The following VWC2 variants were observed in gnomAD, a reference collection of about 807,000 sequenced individuals.
VWC2 encodes von Willebrand factor C domain containing 2, also known as brorin.
A neutral mutation model predicts 29.8 loss-of-function variants in VWC2; 14 were observed. That is an observed-to-expected ratio of 0.47 (90% CI 0.31 to 0.74). The LOEUF is 0.74. Ranked by LOEUF, VWC2 falls within the 30% of genes least tolerant of loss-of-function variation. VWC2 has a pLI of 0.05. For synonymous variants in VWC2, 213 were observed against 199.0 expected (o/e 1.07, Z -0.59); for missense variants, 457 against 459.8 (o/e 0.99, Z 0.05).
intron 2 of VWC2, among the ~76,000 whole-genome samples, chr7:49,790,841 G>C (rs201337452): frequency 3.3e-5 from 5 of 151,946 alleles, no homozygotes; most frequent in Admixed American, 2.6e-4. Context: ...GAACAAGGAC[G>C]GGGGAGAGGT....
In VWC2 at chr7:49,915,006, TC is replaced by T. The variant is rs1355382383; in HGVS notation, c.*2822del. 6.6e-6 allele frequency: 1 copy of T among 152,218 alleles called. No homozygotes were observed. Among genetic ancestry groups the T allele is most frequent in the African/African-American group, 2.4e-5 (1 of 41,464 alleles). The allele number at this position is 152,218 out of a possible 1,614,324, so 9.4% of individuals were successfully genotyped here. ...GTATTAATGAATTTATTTCAAATTT[TC>T]AACCCATATTTAGATCTGAAAGTAT... On this transcript the variant is annotated 3_prime_UTR_variant, in exon 4 of 4. Transcript: ENST00000340652.
chr7:49,867,712 C>T (rs1398099370), intron 3 of VWC2, among the ~76,000 whole-genome samples: 5 of 152,218 alleles, frequency 3.3e-5, no homozygotes, highest in East Asian at 3.8e-4. Flanking sequence ...GTCAGTCAGC[C>T]ACGATCCCAT....
chr7:49,843,135 T>A (rs1789838796), intron 3 of VWC2, among the ~76,000 whole-genome samples: 1 of 152,178 alleles, frequency 6.6e-6, no homozygotes, highest in South Asian at 2.1e-4. Flanking sequence ...TACCCAATGT[T>A]TAGCTCCCAC....
chr7:49,847,218 T>C (rs1789976090), intron 3 of VWC2, among the ~76,000 whole-genome samples: 1 of 148,128 alleles, frequency 6.8e-6, no homozygotes, highest in African/African-American at 2.5e-5. Context: ...CCTATTATAA[T>C]ATAATATAAT....
chr7:49,922,027 G>A (rs934306981), downstream of VWC2: 9 of 152,164 alleles, frequency 5.9e-5, no homozygotes, highest in Middle Eastern at 3.4e-3. Context: ...GATTAAGCAA[G>A]ATAAATAAAA....
intron 3 of VWC2, among the ~76,000 whole-genome samples, chr7:49,875,789 A>G (rs1467602705): frequency 6.6e-6 from 1 of 152,162 alleles, no homozygotes; most frequent in Admixed American, 6.6e-5. Flanking sequence ...GCAACCAAAA[A>G]GTAACCATTT....
At chr7:49,890,910 G>A (rs1283479086) in intron 3 of VWC2, among the ~76,000 whole-genome samples, 5 of 146,546 alleles carry the variant, frequency 3.4e-5, no homozygotes, top group South Asian at 2.1e-4. Context: ...GCCAGGAGAC[G>A]GGTAAACAGG....
chr7:49,893,549 T>A (rs1792234744), intron 3 of VWC2, among the ~76,000 whole-genome samples: 1 of 152,194 alleles, frequency 6.6e-6, no homozygotes, highest in African/African-American at 2.4e-5. Context: ...AACACACATG[T>A]CCACATGAAC....
At chr7:49,909,874 C>A (rs1397053780) in intron 3 of VWC2, among the ~76,000 whole-genome samples, 1 of 152,042 alleles carries the variant, frequency 6.6e-6, no homozygotes, top group African/African-American at 2.4e-5. Flanking sequence ...GAGGTCAAGG[C>A]GGGAGGATCT....
At chr7:49,885,537 C>T (rs1041048701) in intron 3 of VWC2, among the ~76,000 whole-genome samples, 24 of 152,082 alleles carry the variant, frequency 1.6e-4, no homozygotes, top group African/African-American at 5.8e-4. Context: ...TTTCTAATAA[C>T]GTTTTTCAGT....
chr7:49,883,409 G>GA (rs1272238600), intron 3 of VWC2, among the ~76,000 whole-genome samples: 3 of 151,912 alleles, frequency 2.0e-5, no homozygotes, highest in Non-Finnish European at 2.9e-5. Context: ...AAACAATTTG[G>GA]AAAAAAGGTG....
chr7:49,894,377 C>G (rs1792276773), intron 3 of VWC2, among the ~76,000 whole-genome samples: 2 of 152,168 alleles, frequency 1.3e-5, no homozygotes, highest in South Asian at 4.1e-4. Context: ...AAGCAGTCCA[C>G]CTGCCTCGGC....
intron 2 of VWC2, among the ~76,000 whole-genome samples, chr7:49,788,858 GAGCGTGTGTGT>G (rs1410184898): frequency 3.4e-5 from 5 of 146,446 alleles, no homozygotes; most frequent in Middle Eastern, 3.7e-3. Context: ...GCATGTGTGT[GAGCGTGTGTGT>G]GGGGGGTGTG....
chr7:49,781,266 G>C (rs1788171839), intron 2 of VWC2, among the ~76,000 whole-genome samples: 1 of 151,912 alleles, frequency 6.6e-6, no homozygotes, highest in African/African-American at 2.4e-5. Context: ...TTTAAAGAGG[G>C]AGTCATATGC....
intron 3 of VWC2, among the ~76,000 whole-genome samples, chr7:49,898,117 GTGTGTGTGTGTGTATGTA>G (rs1562760016): frequency 2.0e-5 from 3 of 151,946 alleles, no homozygotes; most frequent in Middle Eastern, 3.2e-3. Flanking sequence ...ACATATATGT[GTGTGTGTGTGTGTATGTA>G]TGTGTGTGTG....
At chr7:49,894,353 G>C (rs1012196280) in intron 3 of VWC2, among the ~76,000 whole-genome samples, 1 of 152,026 alleles carries the variant, frequency 6.6e-6, no homozygotes, top group African/African-American at 2.4e-5. Context: ...ACGGGGTTTT[G>C]AACACCTGGG....
intron 3 of VWC2, among the ~76,000 whole-genome samples, chr7:49,842,456 C>T (rs1045962720): frequency 6.6e-6 from 1 of 152,010 alleles, no homozygotes; most frequent in Non-Finnish European, 1.5e-5. Flanking sequence ...AACCTAAAAC[C>T]TTAGAGATAA....
At chr7:49,856,734 T>G (rs1031125672) in intron 3 of VWC2, among the ~76,000 whole-genome samples, 1 of 152,110 alleles carries the variant, frequency 6.6e-6, no homozygotes, top group Admixed American at 6.6e-5. Context: ...TCTGTTTGTT[T>G]TGTGCTGTTA....
chr7:49,776,137 A>G lies in VWC2; in HGVS notation c.696+6A>G. The G allele has an allele frequency of 6.6e-7, 1 of 1,504,504 alleles. No individual in the cohort carries two copies. Among genetic ancestry groups the G allele is most frequent in the Non-Finnish European group, 8.9e-7 (1 of 1,126,222 alleles). 93.2% of individuals were successfully genotyped at this position (1,504,504 alleles called of 1,614,324 possible). On this transcript the variant is annotated splice_donor_region_variant and intron_variant, in intron 2 of 3. Transcript: ENST00000340652. Reference sequence around the variant, plus strand: ...AGACTTTGGAGGAGTTCGTGGTAAGATGCGAACGCCCGCCGGGCGACTTTG... The same window carrying G: ...AGACTTTGGAGGAGTTCGTGGTAAGGTGCGAACGCCCGCCGGGCGACTTTG...
Sources: allele counts gnomAD v4.1 joint callset (sites outside exome capture counted in the v4.1 genomes callset), GRCh38; gene constraint gnomAD v4.1.1; transcripts MANE v1.5; gene names NCBI Gene and HGNC (gene_info 2026-07-23, HGNC 2026-07-21).